COL6A1: variants seen among roughly 807,000 people sequenced by gnomAD.
The protein encoded by COL6A1 is collagen alpha-1(VI) chain.
A neutral mutation model predicts 145.6 loss-of-function variants in COL6A1; 80 were observed. The observed-to-expected ratio is 0.55, with a 90% CI of 0.46 to 0.66. The LOEUF (loss-of-function observed/expected upper bound fraction) is 0.66. COL6A1 is among the 30% of genes least tolerant of loss of function. COL6A1 has a pLI of 0.00. For synonymous variants in COL6A1, 638 were observed against 622.8 expected, an observed-to-expected ratio of 1.02 and a Z score of -0.36; for missense variants, 1,364 against 1,473.8, an observed-to-expected ratio of 0.93 and a Z score of 1.22.
In COL6A1 at chr21:45,994,943, C is replaced by T. The variant is rs1195846484; in HGVS notation, c.1398+714C>T. On this transcript the variant is annotated intron_variant, in intron 20 of 34. Coordinates refer to ENST00000361866, the MANE Select transcript of COL6A1 (RefSeq NM_001848.3). The surrounding 1 kb of genome is among the most constrained non-coding windows in gnomAD (Gnocchi z 6.8). ...TGCTTCTGTGGACAAATCGACCTTA[C>T]GGCTCCATGTGCGCAGCTGCCCACA... Among the ~76,000 whole-genome samples, 4 of 152,244 alleles carry T rather than the reference C, an allele frequency of 2.6e-5. No individual in the cohort carries two copies. The highest frequency in any genetic ancestry group is 1.3e-4 in the Admixed American group (2 of 15,284).
rs1245856941 is a variant in COL6A1 at position 45,992,365 on chromosome 21, G to T, written c.1239G>T (p.Gly413=). ...PGEKGEAGDE[G]NPGPDGAPGE... is the part of the protein sequence containing the mutation. ...GCGTCTGTTTCTCTTCATCCCAGGG[G>T]AACCCAGGACCTGACGGTGCCCCCG... The change falls in exon 18 of 35, where the codon GGG becomes GGT. Residue 413 remains glycine (G), a splice_region_variant and synonymous_variant. Transcript: ENST00000361866. The T allele has an allele frequency of 1.9e-6, 3 of 1,613,700 alleles. No homozygotes were observed. The highest frequency in any genetic ancestry group is 2.5e-6 in the Non-Finnish European group (3 of 1,180,014).
Position 45,982,747 on chromosome 21 carries a change from G to A in COL6A1, c.211G>A (p.Asp71Asn). The change falls in exon 2 of 35, where the codon GAC (aspartate) becomes AAC (asparagine). Residue 71 changes from aspartate (D) to asparagine (N), a missense_variant. This residue lies in a region of COL6A1 where 414 missense variants were observed against 437.6 expected (regional missense o/e 0.95). Coordinates refer to ENST00000361866, the MANE Select transcript of COL6A1 (RefSeq NM_001848.3). Reference sequence around the variant, plus strand: ...CAAGTCCTTCACCAAGCGCTTCATCGACAACCTGAGGGACAGGTAGGAGGG... The same window carrying A: ...CAAGTCCTTCACCAAGCGCTTCATCAACAACCTGAGGGACAGGTAGGAGGG... ...KVKSFTKRFIDNLRDRYYRCD... is the reference protein window; with the variant it reads ...KVKSFTKRFINNLRDRYYRCD... The A allele has an allele frequency of 2.5e-6, 4 of 1,612,518 alleles. No homozygotes were observed. Among genetic ancestry groups the A allele is most frequent in the Non-Finnish European group, 3.4e-6 (4 of 1,179,944 alleles).
In COL6A1 at chr21:46,003,671, C is replaced by T. The variant is rs751865624; in HGVS notation, c.2745C>T (p.Asp915=). The change falls in exon 35 of 35, where the codon GAC becomes GAT. Residue 915 remains aspartate, a synonymous_variant. Coordinates refer to ENST00000361866, the MANE Select transcript of COL6A1 (RefSeq NM_001848.3). ...TGGACTTTATCAACGACGCCACCGACGTCAACGATGCCCTGGGCTATGTGA... is the reference window on the plus strand; with the variant it reads ...TGGACTTTATCAACGACGCCACCGATGTCAACGATGCCCTGGGCTATGTGA... ...DAMDFINDAT[D]VNDALGYVTR... 6.1e-5 allele frequency: 98 copies of T among 1,612,984 alleles called. No individual in the cohort carries two copies. Among genetic ancestry groups the T allele is most frequent in the Non-Finnish European group, 7.4e-5 (87 of 1,179,952 alleles).
At chr21:45,998,854 A>G (rs2077821776) in intron 24 of COL6A1, 43 bp from the exon 25 acceptor site, 2 of 1,548,310 alleles carry the variant, frequency 1.3e-6, no homozygotes, top group African/African-American at 1.4e-5. Flanking sequence ...TCCTAAAAAC[A>G]AAATAAAACC....
At position 45,982,652 on chromosome 21, in the gene COL6A1, T is replaced by A; in HGVS notation, c.116T>A (p.Phe39Tyr). The A allele has an allele frequency of 1.2e-6, 2 of 1,612,884 alleles. No individual in the cohort carries two copies. Among genetic ancestry groups the A allele is most frequent in the Non-Finnish European group, 1.7e-6 (2 of 1,179,954 alleles). The change falls in exon 2 of 35, where the codon TTC (phenylalanine) becomes TAC (tyrosine). Residue 39 changes from phenylalanine to tyrosine, a missense_variant. Physicochemically the swap from Phe to Tyr is conservative, Grantham distance 22. Around this residue, in one of 3 missense-constraint regions of COL6A1, gnomAD observed 414 missense variants for 437.6 expected, o/e 0.95. Transcript: ENST00000361866. ...VAFQDCPVDL[F>Y]FVLDTSESVA... Reference sequence around the variant, plus strand: ...CGGCCAGACTGCCCCGTGGACCTGTTCTTTGTGCTGGACACCTCTGAGAGC... The same window carrying A: ...CGGCCAGACTGCCCCGTGGACCTGTACTTTGTGCTGGACACCTCTGAGAGC...
intron 15 of COL6A1, among the ~76,000 whole-genome samples, chr21:45,991,554 T>A (rs1216511623): frequency 6.6e-6 from 1 of 152,148 alleles, no homozygotes; most frequent in Non-Finnish European, 1.5e-5. Context: ...CCGTTGCTGG[T>A]GTTTTCTCTG....
At chr21:45,987,440 G>A (rs1164187275) in intron 6 of COL6A1, 59 bp from the exon 7 acceptor site, 3 of 1,610,804 alleles carry the variant, frequency 1.9e-6, no homozygotes, top group East Asian at 2.2e-5. Flanking sequence ...GTCACCCTGT[G>A]TCCCAGCCGT....
chr21:45,993,173 G>A (rs1381662599), intron 19 of COL6A1, among the ~76,000 whole-genome samples: 1 of 152,274 alleles, frequency 6.6e-6, no homozygotes, highest in Admixed American at 6.5e-5. Context: ...TAGGCCTGCA[G>A]GGCGCCTGCC....
At position 45,989,661 on chromosome 21, in the gene COL6A1, C is replaced by T. The variant is rs765060192; in HGVS notation, c.903+9C>T. 1 of 1,613,118 alleles carries T rather than the reference C, an allele frequency of 6.2e-7. No individual in the cohort carries two copies. The highest frequency in any genetic ancestry group is 8.5e-7 in the Non-Finnish European group (1 of 1,179,970). ...GGTACCAGGGAATGAAGGTACGTGC[C>T]CCCCCTTTCCTGGCCCGAGCCCGGT... is the stretch of plus-strand genomic sequence containing the variant. On this transcript the variant is annotated intron_variant, in intron 10 of 34. Coordinates refer to ENST00000361866, the MANE Select transcript of COL6A1 (RefSeq NM_001848.3).
At chr21:45,995,169 A>G (rs1456979211) in intron 20 of COL6A1, among the ~76,000 whole-genome samples, 1 of 152,232 alleles carries the variant, frequency 6.6e-6, no homozygotes, top group East Asian at 1.9e-4. Flanking sequence ...GATGAGGACC[A>G]GGGCAGGGCT....
rs201136430 is a variant in COL6A1 at position 45,987,221 on chromosome 21, C to T, written c.738+46C>T. ...CCCCAGCCGTGAGTCTGCACACGTCCACCCACACGTCCACCTGTGTGTTCA... is the reference window on the plus strand; with the variant it reads ...CCCCAGCCGTGAGTCTGCACACGTCTACCCACACGTCCACCTGTGTGTTCA... On this transcript the variant is annotated intron_variant, in intron 6 of 34. Transcript: ENST00000361866. The T allele has an allele frequency of 2.3e-5, 37 of 1,585,414 alleles. No homozygotes were observed. The East Asian group carries it at 7.5e-4, about 32-fold the overall frequency.
At chr21:45,985,295 T>C (rs868197917) in intron 3 of COL6A1, among the ~76,000 whole-genome samples, 2 of 125,858 alleles carry the variant, frequency 1.6e-5, no homozygotes, top group Non-Finnish European at 3.4e-5. Flanking sequence ...GACAGAGAGA[T>C]AGAGACAGAG....
rs1483485124 is a variant in COL6A1 at position 45,992,186 on chromosome 21, C to T, written c.1205C>T (p.Pro402Leu). ...CAGGGCCAGCCGGGAGAGCCTGGGC[C>T]CCCCGGAGAGAAAGGAGAGGCGGGC... ...GDEGQPGEPG[P>L]PGEKGEAGDE... Residue 402 changes from proline (P) to leucine (L), a missense_variant, in exon 17 of 35, where the codon CCC becomes CTC. Pro to Leu is a moderately conservative substitution (Grantham distance 98, BLOSUM62 -3). Transcript: ENST00000361866. The T allele has an allele frequency of 3.1e-6, 5 of 1,613,764 alleles. No homozygotes were observed. The South Asian group carries it at 3.3e-5, about 11-fold the overall frequency.
At chr21:45,996,897 T>C (rs952389040) in intron 20 of COL6A1, among the ~76,000 whole-genome samples, 2 of 152,078 alleles carry the variant, frequency 1.3e-5, no homozygotes, top group Admixed American at 6.5e-5. Context: ...CAGGGTGGTG[T>C]CCAGGCTCAG....
In COL6A1 at chr21:45,999,193, G is replaced by T; in HGVS notation, c.1715G>T (p.Gly572Val). The part of the protein sequence containing the change: ...IAPRGVKGAK[G>V]YRGPEGPQGP... ...CCCCGAGGAGTCAAAGGAGCAAAGG[G>T]GTACCGGGGTCCCGAGGGCCCCCAG... Residue 572 changes from glycine (G) to valine (V), a missense_variant, in exon 26 of 35, where the codon GGG becomes GTG. By Grantham distance (109) the Gly-to-Val change is moderately radical (BLOSUM62 -3). Transcript: ENST00000361866. The T allele has an allele frequency of 6.2e-7, 1 of 1,602,880 alleles. No homozygotes were observed. Among genetic ancestry groups the T allele is most frequent in the Non-Finnish European group, 8.5e-7 (1 of 1,175,754 alleles).
chr21:45,997,607 C>G, intron 21 of COL6A1, 93 bp from the exon 22 acceptor site: 1 of 1,537,632 alleles, frequency 6.5e-7, no homozygotes. Context: ...TCCTGGCTCC[C>G]GATGGGACCT....
chr21:45,999,362 G>T, intron 26 of COL6A1, 144 bp downstream of exon 26: 1 of 897,184 alleles, frequency 1.1e-6, no homozygotes, highest in Non-Finnish European at 1.8e-6. Flanking sequence ...AGGCCCTGGG[G>T]GTGGGAGGTG....
intron 20 of COL6A1, among the ~76,000 whole-genome samples, chr21:45,995,602 A>G (rs892217346): frequency 1.3e-5 from 2 of 152,236 alleles, no homozygotes; most frequent in South Asian, 4.1e-4. Context: ...TAAGAAAAAA[A>G]CAAAGCCACT....
At chr21:45,990,672 GGGAGGGTGT>G in intron 13 of COL6A1, 92 bp from the exon 14 acceptor site, 1 of 1,088,266 alleles carries the variant, frequency 9.2e-7, no homozygotes, top group Non-Finnish European at 1.4e-6. Flanking sequence ...GGGCTTTCCA[GGGAGGGTGT>G]GGAGGGCATG....
Sources: gnomAD v4.1 joint callset for allele counts (sites outside exome capture counted in the v4.1 genomes callset) on GRCh38, gnomAD v4.1.1 for gene constraint, gnomAD v4.1.1 regional missense constraint, Gnocchi (gnomAD v3.1) non-coding constraint, MANE v1.5 for transcripts, NCBI Gene and HGNC (gene_info 2026-07-23, HGNC 2026-07-21) for gene names.